The following SMIM28 variants were observed in gnomAD, a reference collection of about 807,000 sequenced individuals.
SMIM28 encodes small integral membrane protein 28.
chr6:138,382,460 T>A (rs1774325109), intron 1 of SMIM28, 40 bp from the exon 2 acceptor site: 1 of 396,118 alleles, frequency 2.5e-6, no homozygotes, highest in Non-Finnish European at 4.4e-6. Context: ...CGAGGCCTTC[T>A]TTCCACATTT....
intron 1 of SMIM28, among the ~76,000 whole-genome samples, chr6:138,379,401 G>C (rs942845016): frequency 3.3e-5 from 5 of 151,928 alleles, no homozygotes; most frequent in African/African-American, 7.3e-5. Flanking sequence ...ATAAACAAAG[G>C]GTCTATTACA....
chr6:138,380,101 C>T (rs1301793640), intron 1 of SMIM28, among the ~76,000 whole-genome samples: 1 of 152,150 alleles, frequency 6.6e-6, no homozygotes, highest in African/African-American at 2.4e-5. Context: ...AGTACTATCA[C>T]CAAGTGCTTT....
intron 1 of SMIM28, among the ~76,000 whole-genome samples, chr6:138,380,894 G>GT (rs1051422956): frequency 7.3e-5 from 11 of 151,384 alleles, no homozygotes; most frequent in South Asian, 2.1e-4. Flanking sequence ...GTTTATGAGG[G>GT]TTTTTTTTGT....
intron 1 of SMIM28, among the ~76,000 whole-genome samples, chr6:138,380,093 T>C (rs1774295613): frequency 6.6e-6 from 1 of 152,224 alleles, no homozygotes; most frequent in Non-Finnish European, 1.5e-5. Flanking sequence ...AATATATAAG[T>C]ACTATCACCA....
intron 1 of SMIM28, among the ~76,000 whole-genome samples, chr6:138,379,522 T>A (rs117653066): frequency 5.1e-4 from 77 of 152,214 alleles, no homozygotes; most frequent in Non-Finnish European, 9.3e-4. Context: ...GAAACTGTTA[T>A]CATCCATATT....
At chr6:138,380,644 G>A (rs1037872032) in intron 1 of SMIM28, among the ~76,000 whole-genome samples, 1 of 152,078 alleles carries the variant, frequency 6.6e-6, no homozygotes, top group Non-Finnish European at 1.5e-5. Flanking sequence ...GCGGGTGCCT[G>A]TAGTCCCAGC....
At chr6:138,381,417 A>AT (rs545165290) in intron 1 of SMIM28, among the ~76,000 whole-genome samples, 11 of 150,976 alleles carry the variant, frequency 7.3e-5, no homozygotes, top group East Asian at 1.9e-4. Context: ...TAGGAACAGT[A>AT]TTTTTTTTTA....
intron 1 of SMIM28, among the ~76,000 whole-genome samples, chr6:138,378,886 C>T (rs540588443): frequency 9.9e-5 from 15 of 152,190 alleles, no homozygotes; most frequent in African/African-American, 3.4e-4. Context: ...TTCTCCAAAA[C>T]CACATTTTAC....
intron 1 of SMIM28, among the ~76,000 whole-genome samples, chr6:138,381,069 A>AT (rs1034372976): frequency 1.1e-4 from 16 of 151,400 alleles, no homozygotes; most frequent in African/African-American, 3.2e-4. Context: ...CGCCCTGCTA[A>AT]TTTTTTTTGT....
At chr6:138,381,945 T>C (rs899936214) in intron 1 of SMIM28, among the ~76,000 whole-genome samples, 1 of 152,262 alleles carries the variant, frequency 6.6e-6, no homozygotes, top group Non-Finnish European at 1.5e-5. Flanking sequence ...CATATACTTT[T>C]TGACATATAC....
At chr6:138,382,396 CAAAAAAAAAAAAAA>C (rs59155652) in intron 1 of SMIM28, 90 bp from the exon 2 acceptor site, 1 of 138,882 alleles carries the variant, frequency 7.2e-6, no homozygotes, top group Non-Finnish European at 1.4e-5. Flanking sequence ...GACTGTGTCT[CAAAAAAAAAAAAAA>C]AAAAAAAGAA....
Position 138,382,619 on chromosome 6 carries a change from G to C in SMIM28, c.231G>C (p.Lys77Asn). 2.5e-6 allele frequency: 1 copy of C among 398,764 alleles called. No individual in the cohort carries two copies. Among genetic ancestry groups the C allele is most frequent in the Non-Finnish European group, 4.4e-6 (1 of 226,372 alleles). 24.7% of individuals were successfully genotyped at this position (398,764 alleles called of 1,614,324 possible). Reference protein sequence around the residue: ...FLLLFLYRRCKSPPPQGQVFS... With the variant: ...FLLLFLYRRCNSPPPQGQVFS... Reference sequence around the variant, plus strand: ...TGCTGTTCCTGTACCGCCGCTGCAAGTCCCCACCGCCCCAGGGGCAGGTGT... The same window carrying C: ...TGCTGTTCCTGTACCGCCGCTGCAACTCCCCACCGCCCCAGGGGCAGGTGT... The change falls in exon 2 of 2, where the codon AAG becomes AAC. Residue 77 changes from lysine (K) to asparagine (N), a missense_variant. Lys to Asn is a moderately conservative substitution (Grantham distance 94). Transcript: ENST00000573100.
chr6:138,382,524 C>A lies in SMIM28; in HGVS notation c.136C>A (p.Gln46Lys). ...GGGCACCCAGGGGGTGAGCTCCACC[C>A]AGGAGGATGTGGAGCCCTTCCTGTG... The part of the protein sequence containing the change: ...LQGTQGVSST[Q>K]EDVEPFLCIL... The change falls in exon 2 of 2, where the codon CAG becomes AAG. Residue 46 changes from glutamine to lysine, a missense_variant. By Grantham distance (53) the Gln-to-Lys change is moderately conservative. Coordinates refer to ENST00000573100, the MANE Select transcript of SMIM28 (RefSeq NM_001368163.3). The A allele has an allele frequency of 5.0e-6, 2 of 398,612 alleles. No homozygotes were observed. Among genetic ancestry groups the A allele is most frequent in the Non-Finnish European group, 8.8e-6 (2 of 226,170 alleles). The allele number at this position is 398,612 out of a possible 1,614,324, so 24.7% of individuals were successfully genotyped here.
chr6:138,380,899 T>C (rs1774305195), intron 1 of SMIM28, among the ~76,000 whole-genome samples: 1 of 151,780 alleles, frequency 6.6e-6, no homozygotes, highest in Non-Finnish European at 1.5e-5. Context: ...TGAGGGTTTT[T>C]TTTGTGTGTG....
Position 138,377,912 on chromosome 6 carries a change from C to T in SMIM28, c.-161C>T. On this transcript the variant is annotated 5_prime_UTR_variant, in exon 1 of 2. Transcript: ENST00000573100. The stretch of plus-strand genomic sequence containing the variant: ...AAACAGTCAGTCCTGAGAGGTCTCT[C>T]TGGTTGGTTTCTTTCCCCTGTTGCC... The T allele has an allele frequency of 2.5e-6, 1 of 394,546 alleles. No individual in the cohort carries two copies. The highest frequency in any genetic ancestry group is 4.5e-6 in the Non-Finnish European group (1 of 224,044). 24.4% of individuals were successfully genotyped at this position (394,546 alleles called of 1,614,324 possible).
intron 1 of SMIM28, among the ~76,000 whole-genome samples, chr6:138,381,297 A>G (rs1774309567): frequency 6.6e-6 from 1 of 152,198 alleles, no homozygotes; most frequent in Non-Finnish European, 1.5e-5. Context: ...ATTTTCCTCC[A>G]TAGTAGATAC....
intron 1 of SMIM28, among the ~76,000 whole-genome samples, chr6:138,380,490 G>C (rs1466161721): frequency 6.6e-6 from 1 of 152,154 alleles, no homozygotes; most frequent in Admixed American, 6.5e-5. Flanking sequence ...GGCTAGGGCG[G>C]GGCGCAGTGG....
intron 1 of SMIM28, among the ~76,000 whole-genome samples, chr6:138,380,343 A>G (rs1480091345): frequency 1.3e-5 from 2 of 152,224 alleles, no homozygotes; most frequent in Admixed American, 1.3e-4. Flanking sequence ...CTTAATTCAT[A>G]TCTTACCAAG....
At chr6:138,381,573 T>C (rs1363621978) in intron 1 of SMIM28, among the ~76,000 whole-genome samples, 1 of 152,238 alleles carries the variant, frequency 6.6e-6, no homozygotes, top group Non-Finnish European at 1.5e-5. Context: ...TAATTCTTTG[T>C]CTTTAAAAAG....
Sources: gnomAD v4.1 joint callset for allele counts (sites outside exome capture counted in the v4.1 genomes callset) on GRCh38, gnomAD v4.1.1 for gene constraint, MANE v1.5 for transcripts, NCBI Gene and HGNC (gene_info 2026-07-23, HGNC 2026-07-21) for gene names.